DAB1: variants seen among roughly 807,000 people sequenced by gnomAD.
DAB1 encodes DAB adaptor protein 1, also known as disabled homolog 1.
A neutral mutation model predicts 64.6 loss-of-function variants in DAB1; 15 were observed. That is an observed-to-expected ratio of 0.23 (90% confidence interval 0.16 to 0.36). The LOEUF is 0.36. DAB1 is among the 10% of genes least tolerant of loss of function. The pLI is 1.00. For synonymous variants in DAB1, 235 were observed against 251.9 expected, an observed-to-expected ratio of 0.93 and a Z score of 0.64; for missense variants, 596 against 706.7, an observed-to-expected ratio of 0.84 and a Z score of 1.78.
chr1:58,370,590 T>C (rs528522336), intron 3 of DAB1, among the ~76,000 whole-genome samples: 1 of 152,200 alleles, frequency 6.6e-6, no homozygotes, highest in Non-Finnish European at 1.5e-5. Context: ...ATTCAGATAT[T>C]ATTTGTATAA....
intron 2 of DAB1, among the ~76,000 whole-genome samples, chr1:57,282,265 G>C (rs1671979322): frequency 6.6e-6 from 1 of 150,878 alleles, no homozygotes; most frequent in Non-Finnish European, 1.5e-5. Flanking sequence ...CAAGTGCATA[G>C]GGTAAGAGAG....
chr1:58,164,640 A>G (rs1553164562), intron 4 of DAB1, among the ~76,000 whole-genome samples: 1 of 152,238 alleles, frequency 6.6e-6, no homozygotes, highest in Non-Finnish European at 1.5e-5. Flanking sequence ...TGCACACATG[A>G]TAACACATTA....
In DAB1 at chr1:57,656,352, T is replaced by TTGTG. The variant is rs148466319; in HGVS notation, n.552-6691_552-6688dup. Among the ~76,000 whole-genome samples, 706 of 151,748 alleles carry TTGTG rather than the reference T, an allele frequency of 4.7e-3. 3 individuals carry two copies. The highest frequency in any genetic ancestry group is 0.014 in the African/African-American group (599 of 41,358). Reference sequence around the variant, plus strand: ...TTCTATTAGGTTGGTGCAAAAGTAATTGTGTGTGTGTGTGTGTTTTTGTGC... The same window carrying TTGTG: ...TTCTATTAGGTTGGTGCAAAAGTAATTGTGTGTGTGTGTGTGTGTGTTTTTGTGC... On this transcript the variant is annotated intron_variant and non_coding_transcript_variant, in intron 6 of 20. Coordinates refer to the DAB1 transcript ENST00000485760.
At chr1:57,680,187 T>A (rs1045333080) in intron 6 of DAB1, among the ~76,000 whole-genome samples, 1 of 152,212 alleles carries the variant, frequency 6.6e-6, no homozygotes, top group African/African-American at 2.4e-5. Context: ...GAAATTAGGA[T>A]CGAAGATAGA....
At chr1:58,066,556 C>T (rs80244421) in intron 5 of DAB1, among the ~76,000 whole-genome samples, 5,671 of 152,180 alleles carry the variant, frequency 0.037, 149 homozygotes, top group Middle Eastern at 0.12. Flanking sequence ...CACAACCATA[C>T]GAAGTAGGTG....
intron 6 of DAB1, among the ~76,000 whole-genome samples, chr1:57,685,194 T>C (rs954461541): frequency 6.6e-6 from 1 of 151,722 alleles, no homozygotes; most frequent in South Asian, 2.1e-4. Context: ...CCTCGTGATC[T>C]GCCCACCTCG....
chr1:58,497,184 G>T (rs565964940), intron 3 of DAB1, among the ~76,000 whole-genome samples: 12 of 151,998 alleles, frequency 7.9e-5, no homozygotes, highest in African/African-American at 2.9e-4. Flanking sequence ...TACAATGTGG[G>T]ATTATATGTA....
rs77907585 is a variant in DAB1, at chr1:57,457,522, T to C, written n.626-166356A>G. On this transcript the variant is annotated intron_variant and non_coding_transcript_variant, in intron 7 of 20. Transcript: ENST00000485760. ...AAAATTATCTGCTGCTAGATCTCTA[T>C]TAGAAGTAATTTTGGAAAATCCATT... Among the ~76,000 whole-genome samples, 639 of 152,294 alleles carry C rather than the reference T, an allele frequency of 4.2e-3. 2 individuals carry two copies. The highest frequency in any genetic ancestry group is 0.015 in the African/African-American group (612 of 41,576).
At chr1:58,263,005 G>A (rs1305775706) in intron 4 of DAB1, among the ~76,000 whole-genome samples, 2 of 152,154 alleles carry the variant, frequency 1.3e-5, no homozygotes, top group Non-Finnish European at 2.9e-5. Flanking sequence ...ATAAACCTTT[G>A]TTGTTTCAAG....
intron 4 of DAB1, among the ~76,000 whole-genome samples, chr1:58,212,239 G>T (rs1482862178): frequency 1.3e-5 from 2 of 152,146 alleles, no homozygotes; most frequent in African/African-American, 4.8e-5. Flanking sequence ...ATGCCCACTA[G>T]GTGCGAAGTA....
chr1:57,054,243 A>G (rs1649511441), intron 9 of DAB1, among the ~76,000 whole-genome samples: 1 of 152,142 alleles, frequency 6.6e-6, no homozygotes, highest in Non-Finnish European at 1.5e-5. Flanking sequence ...AGTCTGTGTC[A>G]TTAAAACAGT....
intron 4 of DAB1, among the ~76,000 whole-genome samples, chr1:58,216,919 T>C (rs1484139819): frequency 6.6e-6 from 1 of 152,188 alleles, no homozygotes; most frequent in Non-Finnish European, 1.5e-5. Context: ...GAAGGCTTGA[T>C]GGCTTATAAA....
chr1:57,628,575 T>C (rs906998061), intron 7 of DAB1, among the ~76,000 whole-genome samples: 34 of 150,344 alleles, frequency 2.3e-4, no homozygotes, highest in Middle Eastern at 3.4e-3. Context: ...CAGCTCATTG[T>C]CTGTTTTGAA....
intron 7 of DAB1, among the ~76,000 whole-genome samples, chr1:57,599,361 G>GCTA (rs1645549655): frequency 6.6e-6 from 1 of 151,890 alleles, no homozygotes; most frequent in Admixed American, 6.6e-5. Flanking sequence ...ACAAAGCAGG[G>GCTA]CTACACACTC....
At chr1:57,992,297 A>G (rs1646356151) in intron 5 of DAB1, among the ~76,000 whole-genome samples, 1 of 152,182 alleles carries the variant, frequency 6.6e-6, no homozygotes, top group African/African-American at 2.4e-5. Context: ...TTACTTCTTC[A>G]TATGGGTGCT....
At chr1:57,262,413 A>G (rs560777081) in intron 2 of DAB1, among the ~76,000 whole-genome samples, 1 of 152,300 alleles carries the variant, frequency 6.6e-6, no homozygotes, top group African/African-American at 2.4e-5. Context: ...GTGAGTTGGA[A>G]CTTCAGGGCC....
chr1:57,332,266 G>A (rs1676734758), intron 1 of DAB1, among the ~76,000 whole-genome samples: 2 of 152,150 alleles, frequency 1.3e-5, no homozygotes, highest in South Asian at 4.1e-4. Flanking sequence ...GCCCAGCTGG[G>A]AGTCTTTTTT....
chr1:58,385,472 C>A (rs1644425282), intron 3 of DAB1, among the ~76,000 whole-genome samples: 2 of 152,148 alleles, frequency 1.3e-5, no homozygotes. Context: ...CCTTTTCCTT[C>A]TTCCAATCCC....
intron 2 of DAB1, among the ~76,000 whole-genome samples, chr1:57,263,483 T>C (rs962960593): frequency 1.3e-5 from 2 of 152,198 alleles, no homozygotes; most frequent in Admixed American, 6.5e-5. Context: ...ATAAAATGTT[T>C]CATGAAATAC....
Sources: allele counts gnomAD v4.1 joint callset (sites outside exome capture counted in the v4.1 genomes callset), GRCh38; gene constraint gnomAD v4.1.1; transcripts MANE v1.5; gene names NCBI Gene and HGNC (gene_info 2026-07-23, HGNC 2026-07-21).